The following CROCC2 variants were observed in gnomAD, a reference collection of about 807,000 sequenced individuals.
The protein encoded by CROCC2 is ciliary rootlet coiled-coil, rootletin family member 2, also known as ciliary rootlet coiled-coil protein 2.
CROCC2 carries 163 observed loss-of-function variants against 177.6 expected under a neutral mutation model. The observed-to-expected ratio is 0.92, with a 90% CI of 0.81 to 1.05. CROCC2 has a LOEUF of 1.05. Among genes scored for constraint, CROCC2 ranks in the 50% least tolerant of loss-of-function variants. The pLI, the probability that CROCC2 is intolerant of heterozygous loss-of-function variation, is 0.00. For missense variants in CROCC2, 1,929 were observed against 1,797.8 expected (o/e 1.07, Z -1.32); for synonymous variants, 904 against 787.3 (o/e 1.15, Z -2.48).
chr2:240,953,902 C>T lies in CROCC2; in HGVS notation c.2830-1957C>T, dbSNP rs943434151. On this transcript the variant is annotated intron_variant, in intron 18 of 31. Coordinates refer to ENST00000690015, the MANE Select transcript of CROCC2 (RefSeq NM_001351305.2). This position sits in a 1 kb window ranked among gnomAD's most constrained non-coding sequence, Gnocchi z 4.0. The stretch of plus-strand genomic sequence containing the variant: ...CTGTTTGCAAAGTGAAGCTCTCACC[C>T]GAGAGAACGACACGCTTCTATATTT... Among the ~76,000 whole-genome samples, 3 of 152,214 alleles carry T rather than the reference C, an allele frequency of 2.0e-5. No individual in the cohort carries two copies. Among genetic ancestry groups the T allele is most frequent in the Admixed American group, 6.5e-5 (1 of 15,286 alleles).
chr2:240,962,033 C>G (rs1011722919), intron 20 of CROCC2, among the ~76,000 whole-genome samples: 1 of 30,662 alleles, frequency 3.3e-5, no homozygotes, highest in East Asian at 6.8e-4. Context: ...CACACACGCA[C>G]GCACACACGC....
At chr2:240,944,834 T>G (rs940613964) in intron 14 of CROCC2, among the ~76,000 whole-genome samples, 19 of 152,216 alleles carry the variant, frequency 1.2e-4, no homozygotes, top group Non-Finnish European at 2.6e-4. Flanking sequence ...ATAGGCCAGA[T>G]CTTGATTAGT....
chr2:240,982,710 A>C lies in CROCC2; in HGVS notation c.4402-170A>C. ...CCTTTGAGGTTACATTGCAAACACA[A>C]TCACCTGATCAACGCACTTCAGGTT... On this transcript the variant is annotated intron_variant, in intron 27 of 31. Coordinates refer to ENST00000690015, the MANE Select transcript of CROCC2 (RefSeq NM_001351305.2). This position sits in a 1 kb window ranked among gnomAD's most constrained non-coding sequence, Gnocchi z 4.7. 3.4e-6 allele frequency: 2 copies of C among 593,522 alleles called. No individual in the cohort carries two copies. The highest frequency in any genetic ancestry group is 4.5e-5 in the South Asian group (2 of 44,740). 36.8% of individuals were successfully genotyped at this position (593,522 alleles called of 1,614,324 possible). A position where few individuals can be genotyped will look rare whatever the true frequency, so the allele number is the denominator to read the frequency against.
At chr2:240,934,678 A>T (rs2059455948) in intron 12 of CROCC2, among the ~76,000 whole-genome samples, 1 of 152,188 alleles carries the variant, frequency 6.6e-6, no homozygotes, top group Non-Finnish European at 1.5e-5. Context: ...CCTGCTGGCC[A>T]CGCCTGCTTC....
At position 240,963,655 on chromosome 2, in the gene CROCC2, A is replaced by AGGGAGGCCC. The variant is rs1458586379; in HGVS notation, c.3188_3196dup (p.Arg1063_Ala1065dup). The stretch of plus-strand genomic sequence containing the variant: ...CGAGGAGAGCCGGGAGGGGCTGCAC[A>AGGGAGGCCC]GGGAGGCCCAGGAGGCCCGCCGGGC... On this transcript the variant is annotated inframe_insertion, in exon 21 of 32. Transcript: ENST00000690015. 6.5e-7 allele frequency: 1 copy of AGGGAGGCCC among 1,549,840 alleles called. No homozygotes were observed. Among genetic ancestry groups the AGGGAGGCCC allele is most frequent in the African/African-American group, 1.4e-5 (1 of 73,020 alleles).
intron 27 of CROCC2, among the ~76,000 whole-genome samples, chr2:240,971,157 C>T (rs2059717941): frequency 6.6e-6 from 1 of 152,218 alleles, no homozygotes; most frequent in African/African-American, 2.4e-5. Flanking sequence ...CCTCACACCT[C>T]ATGGCTCCCT....
Position 240,946,065 on chromosome 2 carries a change from A to G in CROCC2, c.2175A>G (p.Thr725=), listed in dbSNP as rs2059521609. 3 of 1,511,104 alleles carry G rather than the reference A, an allele frequency of 2.0e-6. No homozygotes were observed. The highest frequency in any genetic ancestry group is 2.5e-5 in the South Asian group (2 of 81,196). The allele number at this position is 1,511,104 out of a possible 1,614,324, so 93.6% of individuals were successfully genotyped here. ...CCCCTCCCCACCTCCCCTAGGTCACATGCCAGAAACAGGCCCTGGAGGAGC... is the reference window on the plus strand; with the variant it reads ...CCCCTCCCCACCTCCCCTAGGTCACGTGCCAGAAACAGGCCCTGGAGGAGC... ...AQLQEQVGQV[T]CQKQALEEQL... Residue 725 remains threonine, a synonymous_variant, in exon 15 of 32, where the codon ACA becomes ACG. Transcript: ENST00000690015.
intron 27 of CROCC2, among the ~76,000 whole-genome samples, chr2:240,970,430 G>A (rs2059712462): frequency 1.3e-5 from 2 of 152,152 alleles, no homozygotes; most frequent in African/African-American, 4.8e-5. Context: ...TTTTCCTTAG[G>A]TTGTTCATAG....
At chr2:240,909,348 G>A (rs965830405) in intron 1 of CROCC2, among the ~76,000 whole-genome samples, 9 of 151,684 alleles carry the variant, frequency 5.9e-5, no homozygotes, top group Admixed American at 1.3e-4. Context: ...CACCTGGGGT[G>A]AGCTCTACCT....
chr2:240,932,020 G>A (rs2059434697), intron 7 of CROCC2, among the ~76,000 whole-genome samples: 1 of 152,242 alleles, frequency 6.6e-6, no homozygotes, highest in Admixed American at 6.5e-5. Flanking sequence ...GGCCTGTGGT[G>A]GGCACTCCCT....
chr2:240,913,466 C>T (rs937292930), intron 1 of CROCC2, among the ~76,000 whole-genome samples: 3 of 152,346 alleles, frequency 2.0e-5, no homozygotes, highest in East Asian at 1.9e-4. Context: ...GAGGCAGTTC[C>T]AGCTGAGCTC....
chr2:240,927,511 A>T (rs6745171), intron 5 of CROCC2, among the ~76,000 whole-genome samples: 2,182 of 152,292 alleles, frequency 0.014, 49 homozygotes, highest in African/African-American at 0.05. Context: ...TTTCCTTTCC[A>T]GTCCATCAGT....
chr2:240,970,939 G>C (rs969160726), intron 27 of CROCC2, among the ~76,000 whole-genome samples: 13 of 152,184 alleles, frequency 8.5e-5, no homozygotes, highest in African/African-American at 3.1e-4. Context: ...CCGAGGCCAC[G>C]GGGAAGAGTC....
intron 27 of CROCC2, chr2:240,981,415 C>T (rs1424129795): frequency 1.3e-5 from 2 of 152,282 alleles, no homozygotes; most frequent in Admixed American, 6.5e-5. Flanking sequence ...GTTTTGCCAG[C>T]CTGCCTCTCA....
chr2:240,975,765 C>T (rs74635492), intron 27 of CROCC2, among the ~76,000 whole-genome samples: 2 of 124,268 alleles, frequency 1.6e-5, no homozygotes, highest in African/African-American at 3.1e-5. Context: ...GTTTTGCTCT[C>T]GTTGCCCAGG....
Position 240,989,821 on chromosome 2 carries a change from G to A in CROCC2, c.4851G>A (p.Val1617=). 6.5e-7 allele frequency: 1 copy of A among 1,542,572 alleles called. No homozygotes were observed. The highest frequency in any genetic ancestry group is 8.8e-7 in the Non-Finnish European group (1 of 1,140,956). ...QEWTHQQQVK[V]LEEQVASLKE... Reference sequence around the variant, plus strand: ...GGACCCACCAGCAGCAGGTAAAGGTGCTGGAAGAGCAGGTAAGGTCGGGAC... The same window carrying A: ...GGACCCACCAGCAGCAGGTAAAGGTACTGGAAGAGCAGGTAAGGTCGGGAC... The change falls in exon 30 of 32, where the codon GTG becomes GTA. Residue 1617 remains valine (V), a synonymous_variant. Coordinates refer to ENST00000690015, the MANE Select transcript of CROCC2 (RefSeq NM_001351305.2).
Position 240,950,388 on chromosome 2 carries a change from G to C in CROCC2, c.2707G>C (p.Glu903Gln). 6.5e-7 allele frequency: 1 copy of C among 1,550,288 alleles called. No individual in the cohort carries two copies. Among genetic ancestry groups the C allele is most frequent in the Non-Finnish European group, 8.7e-7 (1 of 1,146,818 alleles). ...EEKEVARCQL[E>Q]QEKELVTKSA... ...GAAGGAGGTAGCCAGATGCCAGCTG[G>C]AGCAGGAGAAGGAGCTGGTGACAAA... is the stretch of plus-strand genomic sequence containing the variant. The change falls in exon 18 of 32, where the codon GAG (glutamate) becomes CAG (glutamine). Residue 903 changes from glutamate to glutamine, a missense_variant. By Grantham distance (29) the Glu-to-Gln change is conservative. Coordinates refer to ENST00000690015, the MANE Select transcript of CROCC2 (RefSeq NM_001351305.2).
chr2:240,968,363 G>A, intron 27 of CROCC2, 101 bp downstream of exon 27: 1 of 1,370,416 alleles, frequency 7.3e-7, no homozygotes, highest in Non-Finnish European at 9.6e-7. Flanking sequence ...GGAGGTGGGA[G>A]AGAGGGGTCT....
At position 240,959,397 on chromosome 2, in the gene CROCC2, G is replaced by A. The variant is rs955019660; in HGVS notation, c.3040G>A (p.Glu1014Lys). ...AHQRETTALRESLQDLAAERG... is the reference protein window; with the variant it reads ...AHQRETTALRKSLQDLAAERG... ...TCAGAGGGAGACCACGGCCCTACGC[G>A]AGAGCCTCCAGGACCTAGCGGCTGA... Residue 1014 changes from glutamate (E) to lysine (K), a missense_variant, in exon 20 of 32, where the codon GAG becomes AAG. Around this residue, in one of 3 missense-constraint regions of CROCC2, gnomAD observed 1,397 missense variants for 1,239.9 expected, o/e 1.13. Transcript: ENST00000690015. 2.1e-5 allele frequency: 33 copies of A among 1,550,390 alleles called. No homozygotes were observed. Among genetic ancestry groups the A allele is most frequent in the Non-Finnish European group, 2.4e-5 (28 of 1,146,918 alleles).
Sources: allele counts gnomAD v4.1 joint callset (sites outside exome capture counted in the v4.1 genomes callset), GRCh38; gene constraint gnomAD v4.1.1; regional missense constraint gnomAD v4.1.1; non-coding constraint Gnocchi (gnomAD v3.1); transcripts MANE v1.5; gene names NCBI Gene and HGNC (gene_info 2026-07-23, HGNC 2026-07-21).